The following OLFML1 variants were observed in gnomAD, a reference collection of about 807,000 sequenced individuals.
OLFML1 encodes the protein olfactomedin like 1.
Under a neutral mutation model 37.3 loss-of-function variants are expected in OLFML1, and 33 were observed. The ratio of observed to expected loss-of-function variants is 0.88; its 90% CI spans 0.67 to 1.18. The LOEUF is 1.18. Ranked by LOEUF, OLFML1 falls within the 50% of genes most tolerant of loss-of-function variation. The pLI is 0.00. For missense variants in OLFML1, 545 were observed against 483.7 expected (o/e 1.13, Z -1.19); for synonymous variants, 186 against 181.3 (o/e 1.03, Z -0.21).
At chr11:7,504,540 A>G (rs1452856948) in intron 2 of OLFML1, among the ~76,000 whole-genome samples, 1 of 152,180 alleles carries the variant, frequency 6.6e-6, no homozygotes, top group African/African-American at 2.4e-5. Flanking sequence ...GTATGGAGGC[A>G]TGAACACCAT....
intron 2 of OLFML1, among the ~76,000 whole-genome samples, chr11:7,499,891 G>C (rs925254208): frequency 6.6e-6 from 1 of 152,058 alleles, no homozygotes; most frequent in Non-Finnish European, 1.5e-5. Context: ...GTTTTGCTTT[G>C]TTGTTGTTGT....
At chr11:7,497,819 A>G (rs1848681528) in intron 2 of OLFML1, among the ~76,000 whole-genome samples, 1 of 152,222 alleles carries the variant, frequency 6.6e-6, no homozygotes, top group Non-Finnish European at 1.5e-5. Context: ...AAACCAACAT[A>G]TAAAGCACTT....
At chr11:7,508,724 C>T (rs572171274) in intron 2 of OLFML1, among the ~76,000 whole-genome samples, 23 of 152,264 alleles carry the variant, frequency 1.5e-4, no homozygotes, top group Non-Finnish European at 2.8e-4. Flanking sequence ...ACGTTGCAGT[C>T]GTGTTAAGGG....
chr11:7,493,523 T>A (rs1180668442), intron 2 of OLFML1, among the ~76,000 whole-genome samples: 3 of 152,264 alleles, frequency 2.0e-5, no homozygotes, highest in Non-Finnish European at 4.4e-5. Flanking sequence ...TGTGTGCACG[T>A]GTGTGTACGT....
At chr11:7,492,693 G>C (rs913131075) in intron 2 of OLFML1, among the ~76,000 whole-genome samples, 1 of 152,112 alleles carries the variant, frequency 6.6e-6, no homozygotes, top group Non-Finnish European at 1.5e-5. Context: ...TGTTTTGCGG[G>C]TAGGTACAAT....
chr11:7,502,600 TCTTTTTTTTG>T (rs1343873694), intron 2 of OLFML1, among the ~76,000 whole-genome samples: 2 of 152,098 alleles, frequency 1.3e-5, no homozygotes, highest in Non-Finnish European at 2.9e-5. Flanking sequence ...TTTTTCTTTT[TCTTTTTTTTG>T]CTTTTTTTTT....
At chr11:7,509,263 A>G in intron 2 of OLFML1, 135 bp from the exon 3 acceptor site, 1 of 651,594 alleles carries the variant, frequency 1.5e-6, no homozygotes, top group Non-Finnish European at 2.6e-6. Flanking sequence ...CGGTCATGTC[A>G]CAGTAGAACT....
At position 7,485,843 on chromosome 11, in the gene OLFML1, C is replaced by A. The variant is rs1337037348; in HGVS notation, c.-33C>A. ...GAGACATCCTTGAGAAGAGCCACAGCATAAGAGACTGCCCTGCTTGGTGTT... is the reference window on the plus strand; with the variant it reads ...GAGACATCCTTGAGAAGAGCCACAGAATAAGAGACTGCCCTGCTTGGTGTT... On this transcript the variant is annotated 5_prime_UTR_variant, in exon 1 of 3. Coordinates refer to ENST00000329293, the MANE Select transcript of OLFML1 (RefSeq NM_198474.4). 3 of 1,608,358 alleles carry A rather than the reference C, an allele frequency of 1.9e-6. No individual in the cohort carries two copies. Among genetic ancestry groups the A allele is most frequent in the African/African-American group, 1.3e-5 (1 of 74,832 alleles).
intron 2 of OLFML1, among the ~76,000 whole-genome samples, chr11:7,507,768 C>T (rs929991432): frequency 2.6e-5 from 4 of 152,104 alleles, no homozygotes; most frequent in Non-Finnish European, 4.4e-5. Context: ...AGGATGGTCT[C>T]GATCTCCTGA....
chr11:7,505,335 C>G (rs1311802386), intron 2 of OLFML1, among the ~76,000 whole-genome samples: 2 of 152,134 alleles, frequency 1.3e-5, no homozygotes, highest in Non-Finnish European at 2.9e-5. Flanking sequence ...CATTCCACTA[C>G]CTCACACCCA....
At chr11:7,501,428 G>C (rs958484982) in intron 2 of OLFML1, among the ~76,000 whole-genome samples, 2 of 152,250 alleles carry the variant, frequency 1.3e-5, no homozygotes, top group African/African-American at 4.8e-5. Flanking sequence ...CCACAGGAAA[G>C]CAACCCCTCA....
At chr11:7,498,812 A>G (rs567378236) in intron 2 of OLFML1, among the ~76,000 whole-genome samples, 1 of 152,186 alleles carries the variant, frequency 6.6e-6, no homozygotes, top group Non-Finnish European at 1.5e-5. Context: ...CTATCACCCC[A>G]TTTTTGAGTC....
At position 7,509,945 on chromosome 11, in the gene OLFML1, CTT is replaced by C. The variant is rs1295619435; in HGVS notation, c.967_968del (p.Leu323ValfsTer23). On this transcript the variant is annotated frameshift_variant, in exon 3 of 3. Transcript: ENST00000329293. LOFTEE classifies it high-confidence loss of function. ...GCCAGGATGCTGAAGCCTCATTCCT[CTT>C]GTGTGGGGTTCTCTATGTGGTCTAC... ...RSQDAEASFL[L>X]CGVLYVVYST... 1 of 1,614,140 alleles carries C rather than the reference CTT, an allele frequency of 6.2e-7. No homozygotes were observed. Among genetic ancestry groups the C allele is most frequent in the Non-Finnish European group, 8.5e-7 (1 of 1,180,050 alleles).
chr11:7,506,933 G>A (rs7106457), intron 2 of OLFML1, among the ~76,000 whole-genome samples: 6,351 of 152,204 alleles, frequency 0.042, 470 homozygotes, highest in African/African-American at 0.14. Context: ...TGGAGTTTTC[G>A]ATTTCAGATA....
At chr11:7,506,255 GA>G (rs1848784663) in intron 2 of OLFML1, among the ~76,000 whole-genome samples, 1 of 152,188 alleles carries the variant, frequency 6.6e-6, no homozygotes, top group South Asian at 2.1e-4. Flanking sequence ...AAAGATAACA[GA>G]AAAGGGATAA....
In OLFML1 at chr11:7,511,073, T is replaced by C. The variant is rs1848854625; in HGVS notation, c.*885T>C. 1 of 152,226 alleles carries C rather than the reference T, an allele frequency of 6.6e-6. No homozygotes were observed. The highest frequency in any genetic ancestry group is 1.9e-4 in the East Asian group (1 of 5,200). 9.4% of individuals were successfully genotyped at this position (152,226 alleles called of 1,614,324 possible). On this transcript the variant is annotated 3_prime_UTR_variant, in exon 3 of 3. Transcript: ENST00000329293. ...TACTACAAATCCCATAGTTTTTCCATTGCCCAAGGAAGCATCAAATACGTA... is the reference window on the plus strand; with the variant it reads ...TACTACAAATCCCATAGTTTTTCCACTGCCCAAGGAAGCATCAAATACGTA...
intron 2 of OLFML1, 42 bp from the exon 3 acceptor site, chr11:7,509,356 A>G: frequency 4.7e-6 from 7 of 1,478,888 alleles, no homozygotes; most frequent in Non-Finnish European, 5.5e-6. Context: ...CAGACAGCTC[A>G]TGTTTATAAA....
chr11:7,506,253 C>T lies in OLFML1; in HGVS notation c.419-3145C>T, dbSNP rs116336433. Among the ~76,000 whole-genome samples the T allele has an allele frequency of 6.5e-3, 993 of 152,056 alleles. 17 individuals are homozygous for T. Among genetic ancestry groups the T allele is most frequent in the African/African-American group, 0.023 (942 of 41,462 alleles). On this transcript the variant is annotated intron_variant, in intron 2 of 2. Transcript: ENST00000329293. ...GTAACAAAGGAGAAATTAAAGATAA[C>T]AGAAAAGGGATAATTCATCAAGGAA... is the stretch of plus-strand genomic sequence containing the variant.
intron 2 of OLFML1, among the ~76,000 whole-genome samples, chr11:7,499,654 C>T (rs1848699493): frequency 6.6e-6 from 1 of 152,172 alleles, no homozygotes; most frequent in African/African-American, 2.4e-5. Context: ...ACTCCAAGTG[C>T]TGGGTTTCAT....
Sources: gnomAD v4.1 joint callset for allele counts (sites outside exome capture counted in the v4.1 genomes callset) on GRCh38, gnomAD v4.1.1 for gene constraint, MANE v1.5 for transcripts, NCBI Gene and HGNC (gene_info 2026-07-23, HGNC 2026-07-21) for gene names.